The following PDE11A variants were observed in gnomAD, a reference collection of about 807,000 sequenced individuals.
The protein encoded by PDE11A is dual 3',5'-cyclic-AMP and -GMP phosphodiesterase 11A.
In PDE11A, 100 loss-of-function variants were observed where a neutral mutation model predicts 100.5. The ratio of observed to expected loss-of-function variants is 1.00; its 90% CI spans 0.85 to 1.18. The LOEUF (loss-of-function observed/expected upper bound fraction) is 1.18. Among genes scored for constraint, PDE11A ranks in the 50% most tolerant of loss-of-function variants. The pLI is 0.00. For missense variants in PDE11A, 1,141 were observed against 1,152.6 expected (o/e 0.99, Z 0.15); for synonymous variants, 381 against 420.8 (o/e 0.91, Z 1.16).
At chr2:177,744,412 TC>T in intron 10 of PDE11A, among the ~76,000 whole-genome samples, 1 of 152,178 alleles carries the variant, frequency 6.6e-6, no homozygotes, top group Middle Eastern at 3.4e-3. Flanking sequence ...TCTTTCGGAT[TC>T]CTTTTGCTTG....
chr2:178,031,065 T>G (rs1457740252), intron 1 of PDE11A, among the ~76,000 whole-genome samples: 1 of 152,184 alleles, frequency 6.6e-6, no homozygotes, highest in Non-Finnish European at 1.5e-5. Flanking sequence ...ATTAATAGTG[T>G]AAGGTAAAAA....
At chr2:177,915,791 T>C (rs2084943577) in intron 2 of PDE11A, among the ~76,000 whole-genome samples, 2 of 152,244 alleles carry the variant, frequency 1.3e-5, no homozygotes, top group African/African-American at 2.4e-5. Flanking sequence ...CCAAAGTGGC[T>C]GTGCCATCTT....
chr2:177,926,356 T>C (rs1322641514), intron 2 of PDE11A, among the ~76,000 whole-genome samples: 1 of 152,224 alleles, frequency 6.6e-6, no homozygotes, highest in East Asian at 1.9e-4. Context: ...AGCAAAATAC[T>C]AGCTTCAGAT....
At chr2:177,808,379 G>C (rs1360489939) in intron 9 of PDE11A, among the ~76,000 whole-genome samples, 1 of 152,000 alleles carries the variant, frequency 6.6e-6, no homozygotes, top group Non-Finnish European at 1.5e-5. Flanking sequence ...AAATTATTTT[G>C]GTAGATAAAA....
chr2:178,004,323 T>C (rs1017967588), intron 2 of PDE11A, among the ~76,000 whole-genome samples: 2 of 152,132 alleles, frequency 1.3e-5, no homozygotes, highest in Non-Finnish European at 2.9e-5. Context: ...AATTCAAAGA[T>C]AGACAAATAT....
chr2:177,679,152 T>TA (rs1410834673), intron 16 of PDE11A, among the ~76,000 whole-genome samples: 1 of 141,336 alleles, frequency 7.1e-6, no homozygotes, highest in Non-Finnish European at 1.5e-5. Flanking sequence ...AGAACAAAGG[T>TA]TGTAGCTTTT....
rs372461069 is a variant in PDE11A at position 178,053,288 on chromosome 2, G to A, written c.912+18238C>T. Among the ~76,000 whole-genome samples, 4 of 152,306 alleles carry A rather than the reference G, an allele frequency of 2.6e-5. No individual in the cohort carries two copies. The East Asian group carries it at 7.7e-4, about 29-fold the overall frequency. The stretch of plus-strand genomic sequence containing the variant: ...CCACATGATTATCTCAATAGATGCA[G>A]AAAAGGCCTTCGAAAAATTCAACAG... On this transcript the variant is annotated intron_variant, in intron 1 of 19. Transcript: ENST00000286063.
intron 19 of PDE11A, among the ~76,000 whole-genome samples, chr2:177,650,726 C>CA (rs996614466): frequency 2.0e-5 from 3 of 152,156 alleles, no homozygotes; most frequent in Non-Finnish European, 4.4e-5. Flanking sequence ...AAACCTTAAA[C>CA]AAAAAGTCCA....
At chr2:178,018,840 T>C (rs965827468) in intron 1 of PDE11A, among the ~76,000 whole-genome samples, 1 of 152,222 alleles carries the variant, frequency 6.6e-6, no homozygotes, top group Non-Finnish European at 1.5e-5. Context: ...GAGCCACTGC[T>C]CCCAGCCCAG....
chr2:178,071,392 C>A, intron 1 of PDE11A, 134 bp downstream of exon 1: 1 of 1,074,354 alleles, frequency 9.3e-7, no homozygotes, highest in African/African-American at 1.6e-5. Context: ...CTAGTCTAAA[C>A]TCGGGAATTT....
chr2:177,988,146 G>C (rs1440772385), intron 2 of PDE11A, among the ~76,000 whole-genome samples: 1 of 152,140 alleles, frequency 6.6e-6, no homozygotes, highest in Non-Finnish European at 1.5e-5. Flanking sequence ...TTTACTCTGA[G>C]CCTTCTATAA....
At chr2:177,882,451 G>C (rs2084358769) in intron 4 of PDE11A, among the ~76,000 whole-genome samples, 1 of 152,010 alleles carries the variant, frequency 6.6e-6, no homozygotes, top group Non-Finnish European at 1.5e-5. Context: ...TCCTGACTTG[G>C]ACCAATTATA....
intron 19 of PDE11A, among the ~76,000 whole-genome samples, chr2:177,642,479 A>G (rs1335334196): frequency 2.0e-5 from 3 of 152,228 alleles, no homozygotes; most frequent in Admixed American, 2.0e-4. Context: ...AAAGGGCTCT[A>G]GCTTTATAAT....
chr2:177,634,677 C>A (rs1175696475), intron 19 of PDE11A, among the ~76,000 whole-genome samples: 6 of 152,082 alleles, frequency 3.9e-5, no homozygotes. Flanking sequence ...CGTGAGCCAC[C>A]GCGCCCGGCC....
intron 5 of PDE11A, among the ~76,000 whole-genome samples, chr2:177,849,696 A>C (rs2083663362): frequency 6.6e-6 from 1 of 151,652 alleles, no homozygotes; most frequent in Non-Finnish European, 1.5e-5. Flanking sequence ...AGGCTGAGGC[A>C]GGAGAATGGC....
chr2:177,893,108 TCTC>T (rs1379194603), intron 4 of PDE11A, among the ~76,000 whole-genome samples: 1 of 152,082 alleles, frequency 6.6e-6, no homozygotes. Context: ...CATTTATTAT[TCTC>T]CTCTCCACCT....
chr2:177,722,540 T>C (rs554825910), intron 12 of PDE11A, among the ~76,000 whole-genome samples: 2 of 152,190 alleles, frequency 1.3e-5, no homozygotes, highest in Non-Finnish European at 2.9e-5. Flanking sequence ...GCTGGAAGCA[T>C]GGAGTGCCTA....
In PDE11A at chr2:178,018,368, T is replaced by TC. The variant is rs2086365327; in HGVS notation, c.913-3909_913-3908insG. On this transcript the variant is annotated intron_variant, in intron 1 of 19. Transcript: ENST00000286063. ...TCACGGAAAGCTGCCAAGGCAGGCC[T>TC]TTTGGCACACTTGACTTTAACCTTT... 12 of 17,710 alleles carry TC rather than the reference T, an allele frequency of 6.8e-4. No individual in the cohort carries two copies. In the South Asian group the frequency reaches 7.6e-3, roughly 11 times the overall value. 1.1% of individuals were successfully genotyped at this position (17,710 alleles called of 1,614,324 possible).
intron 2 of PDE11A, among the ~76,000 whole-genome samples, chr2:178,004,697 C>G (rs2086184058): frequency 6.6e-6 from 1 of 152,166 alleles, no homozygotes; most frequent in Non-Finnish European, 1.5e-5. Context: ...AATACTGTTT[C>G]AAGTCCTGCC....
Sources: gnomAD v4.1 joint callset for allele counts (sites outside exome capture counted in the v4.1 genomes callset) on GRCh38, gnomAD v4.1.1 for gene constraint, MANE v1.5 for transcripts, NCBI Gene and HGNC (gene_info 2026-07-23, HGNC 2026-07-21) for gene names.